ESRRG: variants seen among roughly 807,000 people sequenced by gnomAD.
ESRRG encodes estrogen related receptor gamma, also known as estrogen-related receptor gamma.
In ESRRG, 13 loss-of-function variants were observed where a neutral mutation model predicts 44.0. The ratio of observed to expected loss-of-function variants is 0.30; its 90% CI spans 0.19 to 0.47. ESRRG has a LOEUF of 0.47. Ranked by LOEUF, ESRRG falls within the 20% of genes least tolerant of loss-of-function variation. The pLI, the probability that ESRRG is intolerant of heterozygous loss-of-function variation, is 1.00. For synonymous variants in ESRRG, 215 were observed against 214.6 expected (o/e 1.00, Z -0.02); for missense variants, 395 against 580.6 (o/e 0.68, Z 3.29).
rs184130513 is a variant in ESRRG, at chr1:216,769,255, A to G, written c.-13-91764T>C. 9.9e-4 allele frequency among the ~76,000 whole-genome samples: 150 copies of G among 152,258 alleles called. No homozygotes were observed. The Middle Eastern group carries it at 0.01, about 10-fold the overall frequency. ...AACAGTATAATTGCATTTCAGATGA[A>G]AGAAAGACCAGCTGCAAACAGAGTG... On this transcript the variant is annotated intron_variant, in intron 2 of 7. Transcript: ENST00000359162.
intron 2 of ESRRG, among the ~76,000 whole-genome samples, chr1:216,822,763 A>T (rs1391462551): frequency 2.6e-5 from 4 of 152,224 alleles, no homozygotes; most frequent in Admixed American, 1.3e-4. Context: ...ATATCCAACA[A>T]GAGAAGCTAT....
At chr1:216,892,024 C>T (rs2057868048) in intron 2 of ESRRG, among the ~76,000 whole-genome samples, 1 of 152,032 alleles carries the variant, frequency 6.6e-6, no homozygotes, top group Non-Finnish European at 1.5e-5. Context: ...CCAGGCTGGT[C>T]TCGAACTCCT....
chr1:216,712,282 G>A (rs772310843), intron 1 of ESRRG, among the ~76,000 whole-genome samples: 21 of 152,078 alleles, frequency 1.4e-4, no homozygotes, highest in Admixed American at 6.5e-4. Flanking sequence ...GCTATATAAC[G>A]GAAGAGCAAA....
At chr1:216,890,306 T>C (rs369276061) in intron 2 of ESRRG, among the ~76,000 whole-genome samples, 1 of 152,272 alleles carries the variant, frequency 6.6e-6, no homozygotes, top group African/African-American at 2.4e-5. Context: ...TGCAATAAAC[T>C]GAACTTGATT....
chr1:216,881,926 T>C (rs1253379816), intron 2 of ESRRG, among the ~76,000 whole-genome samples: 1 of 152,004 alleles, frequency 6.6e-6, no homozygotes, highest in African/African-American at 2.4e-5. Context: ...TCCAAAACTG[T>C]GCTGATGAGT....
chr1:216,913,254 T>TA (rs1195668826), intron 2 of ESRRG, among the ~76,000 whole-genome samples: 1 of 152,086 alleles, frequency 6.6e-6, no homozygotes, highest in Non-Finnish European at 1.5e-5. Flanking sequence ...AGCAACTACT[T>TA]ACATAGTTTT....
chr1:216,533,213 C>T (rs1366556402), intron 5 of ESRRG, among the ~76,000 whole-genome samples: 2 of 151,808 alleles, frequency 1.3e-5, no homozygotes, highest in African/African-American at 4.8e-5. Flanking sequence ...TTCCTAGTGG[C>T]ACTTACAGGC....
intron 1 of ESRRG, among the ~76,000 whole-genome samples, chr1:216,993,938 C>T (rs1431787286): frequency 1.3e-5 from 2 of 152,116 alleles, no homozygotes; most frequent in Non-Finnish European, 2.9e-5. Flanking sequence ...TTCTCTAATA[C>T]ATTTTTATTT....
At position 216,598,767 on chromosome 1, in the gene ESRRG, G is replaced by T. The variant is rs182915321; in HGVS notation, c.590-30669C>A. Among the ~76,000 whole-genome samples the T allele has an allele frequency of 1.1e-3, 170 of 152,226 alleles. 2 individuals carry two copies. The highest frequency in any genetic ancestry group is 0.01 in the Middle Eastern group (3 of 294). ...AGGCTTGATATGGTCTGGGATCTGG[G>T]TTTGCTTCTAAGCTATTTGTATACC... On this transcript the variant is annotated intron_variant, in intron 3 of 6. Coordinates refer to ENST00000408911, the MANE Select transcript of ESRRG (RefSeq NM_001438.4).
chr1:216,910,721 C>T (rs1052926100), intron 2 of ESRRG, among the ~76,000 whole-genome samples: 1 of 152,152 alleles, frequency 6.6e-6, no homozygotes, highest in East Asian at 1.9e-4. Flanking sequence ...ACATCACTGA[C>T]TATATGGAGA....
chr1:217,087,507 T>C (rs939620241), intron 1 of ESRRG, among the ~76,000 whole-genome samples: 2 of 152,164 alleles, frequency 1.3e-5, no homozygotes, highest in African/African-American at 2.4e-5. Context: ...AATCGATTGA[T>C]CTGCTCTATT....
At chr1:216,867,747 G>A (rs138946144) in intron 2 of ESRRG, among the ~76,000 whole-genome samples, 291 of 152,088 alleles carry the variant, frequency 1.9e-3, no homozygotes, top group African/African-American at 6.8e-3. Context: ...TCTTATCAGT[G>A]TAAAAATTTT....
At chr1:216,771,998 T>G (rs796394980) in intron 2 of ESRRG, among the ~76,000 whole-genome samples, 39 of 152,088 alleles carry the variant, frequency 2.6e-4, no homozygotes, top group African/African-American at 8.7e-4. Flanking sequence ...ACAATCTGTT[T>G]ATGAAGAGGA....
intron 6 of ESRRG, among the ~76,000 whole-genome samples, chr1:216,508,805 G>A (rs2041922227): frequency 6.6e-6 from 1 of 152,116 alleles, no homozygotes; most frequent in African/African-American, 2.4e-5. Flanking sequence ...AAAAATGGGA[G>A]GTATGGGGAA....
chr1:217,028,381 T>C (rs1310762050), intron 1 of ESRRG, among the ~76,000 whole-genome samples: 2 of 152,196 alleles, frequency 1.3e-5, no homozygotes, highest in African/African-American at 2.4e-5. Flanking sequence ...ACTCTCCTCA[T>C]ACCTACAAAG....
At chr1:216,574,381 T>C (rs867948201) in intron 3 of ESRRG, among the ~76,000 whole-genome samples, 1 of 152,086 alleles carries the variant, frequency 6.6e-6, no homozygotes, top group Admixed American at 6.6e-5. Flanking sequence ...TAAACACCAA[T>C]AGAAGTAAAA....
intron 5 of ESRRG, among the ~76,000 whole-genome samples, chr1:216,542,185 A>G (rs1178221097): frequency 1.3e-5 from 2 of 151,590 alleles, no homozygotes; most frequent in Non-Finnish European, 2.9e-5. Context: ...TATAAAGGGC[A>G]TCTCTTTTAA....
chr1:216,577,350 C>T (rs1201286463), intron 3 of ESRRG, among the ~76,000 whole-genome samples: 3 of 151,974 alleles, frequency 2.0e-5, no homozygotes, highest in African/African-American at 4.8e-5. Flanking sequence ...TATATTTTAT[C>T]TTGTTACTAT....
In ESRRG at chr1:216,539,834, C is replaced by CA. The variant is rs200549391; in HGVS notation, c.863-20414dup. Among the ~76,000 whole-genome samples the CA allele has an allele frequency of 1.9e-3, 278 of 147,598 alleles. 1 individual carries two copies. In the Middle Eastern group the frequency reaches 0.024, roughly 13 times the overall value. Reference sequence around the variant, plus strand: ...TTAGCTTGTTGTCTCACCTTTGACGCAAAAAAAAAGCGAATTAAGTTAATT... The same window carrying CA: ...TTAGCTTGTTGTCTCACCTTTGACGCAAAAAAAAAAGCGAATTAAGTTAATT... On this transcript the variant is annotated intron_variant, in intron 5 of 6. Coordinates refer to ENST00000408911, the MANE Select transcript of ESRRG (RefSeq NM_001438.4).
Sources: allele counts gnomAD v4.1 joint callset (sites outside exome capture counted in the v4.1 genomes callset), GRCh38; gene constraint gnomAD v4.1.1; transcripts MANE v1.5; gene names NCBI Gene and HGNC (gene_info 2026-07-23, HGNC 2026-07-21).